The following TAF6 variants were observed in gnomAD, a reference collection of about 807,000 sequenced individuals.
TAF6 encodes TATA-box binding protein associated factor 6, also known as transcription initiation factor TFIID subunit 6.
Under a neutral mutation model 73.5 loss-of-function variants are expected in TAF6, and 50 were observed. The ratio of observed to expected loss-of-function variants is 0.68; its 90% confidence interval spans 0.54 to 0.86. The LOEUF is 0.86. Ranked by LOEUF, TAF6 falls within the 40% of genes least tolerant of loss-of-function variation. The pLI is 0.00. For synonymous variants in TAF6, 424 were observed against 376.7 expected (o/e 1.13, Z -1.45); for missense variants, 768 against 899.5 (o/e 0.85, Z 1.87).
chr7:100,115,241 G>A (rs906699508), intron 1 of TAF6: 2 of 152,220 alleles, frequency 1.3e-5, no homozygotes, highest in Admixed American at 6.5e-5. Context: ...ATCCTCCAGC[G>A]TTGGCCTCTC....
At chr7:100,107,739 G>A in intron 14 of TAF6, 116 bp from the exon 15 acceptor site, 2 of 1,468,658 alleles carry the variant, frequency 1.4e-6, no homozygotes, top group Admixed American at 2.5e-5. Context: ...AGTTCACCCT[G>A]TAGACAGCTA....
chr7:100,119,646 G>C, upstream of TAF6: 1 of 1,609,568 alleles, frequency 6.2e-7, no homozygotes, highest in Admixed American at 1.7e-5. Flanking sequence ...TCCTCGGCTG[G>C]ATTTAAGGTT....
Position 100,108,462 on chromosome 7 carries a change from G to A in TAF6, c.1363C>T (p.Leu455Phe), listed in dbSNP as rs750645763. The change falls in exon 13 of 15, where the codon CTT becomes TTT. Residue 455 changes from leucine to phenylalanine, a missense_variant. Around this residue, in one of 5 missense-constraint regions of TAF6, gnomAD observed 350 missense variants for 352.3 expected, o/e 0.99. Coordinates refer to ENST00000453269, the MANE Select transcript of TAF6 (RefSeq NM_139315.3). Reference sequence around the variant, plus strand: ...ACCTGGGAGCAGAGGAGGGGCCCAAGGGACCCGAATTCTGCCCGATAGGCG... The same window carrying A: ...ACCTGGGAGCAGAGGAGGGGCCCAAAGGACCCGAATTCTGCCCGATAGGCG... ...QDAYRAEFGS[L>F]GPLLCSQVVK... 3 of 1,614,078 alleles carry A rather than the reference G, an allele frequency of 1.9e-6. No homozygotes were observed. Among genetic ancestry groups the A allele is most frequent in the Non-Finnish European group, 2.5e-6 (3 of 1,179,968 alleles).
rs1358233042 is a variant in TAF6, at chr7:100,111,564, C to G, written c.900+164G>C. On this transcript the variant is annotated intron_variant, in intron 9 of 14. Transcript: ENST00000453269. ...TTTTGTAGAGATAGCAGTCTCACTA[C>G]TGTCCTCAGGCTGTCCTCAAACTCC... Among the ~76,000 whole-genome samples, 4 of 152,144 alleles carry G rather than the reference C, an allele frequency of 2.6e-5. No individual in the cohort carries two copies. In the East Asian group the frequency reaches 5.8e-4, roughly 22 times the overall value.
intron 1 of TAF6, among the ~76,000 whole-genome samples, chr7:100,114,833 A>G (rs1797543643): frequency 6.6e-6 from 1 of 151,952 alleles, no homozygotes; most frequent in South Asian, 2.1e-4. Context: ...TGGACAACAC[A>G]GTGAGACCCC....
chr7:100,118,007 C>G (rs552314027), intron 1 of TAF6, among the ~76,000 whole-genome samples: 1 of 146,868 alleles, frequency 6.8e-6, no homozygotes, highest in East Asian at 2.1e-4. Context: ...GATCGCACCA[C>G]TGCACTCCAG....
chr7:100,112,243 C>T lies in TAF6; in HGVS notation c.585G>A (p.Lys195=), dbSNP rs1797252004. ...CCCCCTCCAGCAAGGGCGGCGCCTT[C>T]TTCTCTTTCCCTGTGTGATTGGAAA... ...ATTADGKGKE[K]KAPPLLEGAP... Residue 195 remains lysine, a synonymous_variant, in exon 7 of 15, where the codon AAG becomes AAA. Coordinates refer to ENST00000453269, the MANE Select transcript of TAF6 (RefSeq NM_139315.3). The T allele has an allele frequency of 7.4e-6, 12 of 1,613,142 alleles. No homozygotes were observed. The highest frequency in any genetic ancestry group is 1.0e-5 in the Non-Finnish European group (12 of 1,179,578).
chr7:100,119,874 G>A (rs776815669), upstream of TAF6: 3 of 1,606,936 alleles, frequency 1.9e-6, 1 homozygote, highest in East Asian at 2.2e-5. Context: ...TATTTGAAGG[G>A]GGTAGCCCCT....
At chr7:100,122,066 A>AT (rs373824154), upstream of TAF6, 243 of 537,666 alleles carry the variant, frequency 4.5e-4, 1 homozygote, top group African/African-American at 4.4e-3. Context: ...AAAAAAAAAA[A>AT]GATGAAGAAA....
intron 5 of TAF6, 30 bp downstream of exon 5, chr7:100,113,319 G>C: frequency 6.5e-7 from 1 of 1,549,838 alleles, no homozygotes. Context: ...AAGGGACCCA[G>C]AGACCCAGAG....
Position 100,107,304 on chromosome 7 carries a change from C to G in TAF6, c.1976G>C (p.Gly659Ala). 1 of 1,528,668 alleles carries G rather than the reference C, an allele frequency of 6.5e-7. No individual in the cohort carries two copies. Among genetic ancestry groups the G allele is most frequent in the Non-Finnish European group, 8.8e-7 (1 of 1,139,086 alleles). The allele number at this position is 1,528,668 out of a possible 1,614,324, so 94.7% of individuals were successfully genotyped here. ...EAGDSPPPAP[G>A]TPKANGSQPN... ...CTGGGAGCCATTGGCTTTTGGAGTC[C>G]CTGGAGCTGGAGGGGGACTGTCCCC... The change falls in exon 15 of 15, where the codon GGG (glycine) becomes GCG (alanine). Residue 659 changes from glycine (G) to alanine (A), a missense_variant. Physicochemically the swap from Gly to Ala is moderately conservative, Grantham distance 60. Around this residue, in one of 5 missense-constraint regions of TAF6, gnomAD observed 350 missense variants for 352.3 expected, o/e 0.99. Transcript: ENST00000453269.
At chr7:100,122,718 T>C, upstream of TAF6, 3 of 1,551,754 alleles carry the variant, frequency 1.9e-6, no homozygotes, top group East Asian at 4.6e-5. Context: ...AAAACTGAAA[T>C]GGCAGAAAGG....
intron 13 of TAF6, 67 bp from the exon 14 acceptor site, chr7:100,108,190 C>T: frequency 1.3e-6 from 2 of 1,498,950 alleles, no homozygotes; most frequent in Non-Finnish European, 1.8e-6. Flanking sequence ...AAGGGAGAGG[C>T]CTGGGCTCCC....
chr7:100,114,495 G>T, intron 1 of TAF6: 1 of 607,822 alleles, frequency 1.6e-6, no homozygotes, highest in South Asian at 2.0e-5. Flanking sequence ...CGAGGCGGGC[G>T]GATCACTTGA....
chr7:100,123,614 G>A (rs1369573507), upstream of TAF6, among the ~76,000 whole-genome samples: 11 of 151,896 alleles, frequency 7.2e-5, no homozygotes, highest in African/African-American at 1.7e-4. Context: ...TCCGCCTCCC[G>A]GGTTCAAGCC....
rs756388907 is a variant in TAF6 at position 100,113,686 on chromosome 7, C to T, written c.327G>A (p.Glu109=). 16 of 1,614,026 alleles carry T rather than the reference C, an allele frequency of 9.9e-6. No homozygotes were observed. Among genetic ancestry groups the T allele is most frequent in the Non-Finnish European group, 1.2e-5 (14 of 1,180,038 alleles). Residue 109 remains glutamate, a synonymous_variant, in exon 4 of 15, where the codon GAG becomes GAA. Transcript: ENST00000453269. ...TGATGTCGCTCAGATCAACCTCCTT[C>T]TCCTCATAGAAGTAAAGCTCCCGGC... is the stretch of plus-strand genomic sequence containing the variant. ...GGGRELYFYE[E]KEVDLSDIIN...
upstream of TAF6, chr7:100,124,370 T>C: frequency 3.2e-6 from 2 of 632,802 alleles, no homozygotes; most frequent in Non-Finnish European, 5.7e-6. Context: ...GTTGAATGAA[T>C]GAGGATTGCA....
chr7:100,112,995 T>G (rs1797339061), intron 5 of TAF6, 78 bp from the exon 6 acceptor site: 1 of 1,538,556 alleles, frequency 6.5e-7, no homozygotes, highest in East Asian at 2.3e-5. Context: ...CCGGATGCGG[T>G]GGCTCATGCC....
intron 1 of TAF6, 99 bp from the exon 2 acceptor site, chr7:100,114,367 T>G (rs1797501195): frequency 8.4e-7 from 1 of 1,188,226 alleles, no homozygotes; most frequent in African/African-American, 1.5e-5. Flanking sequence ...GAACTCCGAG[T>G]GTCTTATGTC....
Sources: allele counts gnomAD v4.1 joint callset (sites outside exome capture counted in the v4.1 genomes callset), GRCh38; gene constraint gnomAD v4.1.1; regional missense constraint gnomAD v4.1.1; transcripts MANE v1.5; gene names NCBI Gene and HGNC (gene_info 2026-07-23, HGNC 2026-07-21).